Variants in KIRREL3 observed in about 807,000 individuals in gnomAD.
KIRREL3 encodes the protein kin of IRRE-like protein 3.
A neutral mutation model predicts 89.7 loss-of-function variants in KIRREL3; 36 were observed. The ratio of observed to expected loss-of-function variants is 0.40; its 90% confidence interval spans 0.31 to 0.53. The LOEUF is 0.53. Among genes scored for constraint, KIRREL3 ranks in the 20% least tolerant of loss-of-function variants. The probability of loss-of-function intolerance (pLI) is 0.49; values close to 1 mark genes in which losing one functional copy is unlikely to be tolerated. For missense variants in KIRREL3, 864 were observed against 1,056.6 expected (o/e 0.82, Z 2.53); for synonymous variants, 445 against 441.4 (o/e 1.01, Z -0.10).
chr11:126,678,371 C>T (rs543100006), intron 1 of KIRREL3, among the ~76,000 whole-genome samples: 23 of 151,782 alleles, frequency 1.5e-4, no homozygotes, highest in East Asian at 5.8e-4. Flanking sequence ...GAGGCCGAGG[C>T]GGGCAGATCA....
In KIRREL3 at chr11:126,545,863, C is replaced by T. The variant is rs80259532; in HGVS notation, c.133+16972G>A. Reference sequence around the variant, plus strand: ...GGTTGCAGGGCAGGGCCCCCACTGGCGCTGCAGAAGTACCTGAGGCAAGGG... The same window carrying T: ...GGTTGCAGGGCAGGGCCCCCACTGGTGCTGCAGAAGTACCTGAGGCAAGGG... On this transcript the variant is annotated intron_variant, in intron 2 of 16. Coordinates refer to ENST00000525144, the MANE Select transcript of KIRREL3 (RefSeq NM_032531.4). Among the ~76,000 whole-genome samples, 114 of 152,300 alleles carry T rather than the reference C, an allele frequency of 7.5e-4. 1 individual carries two copies. The East Asian group carries it at 0.018, about 23-fold the overall frequency.
rs1784351 is a variant in KIRREL3 at position 126,870,180 on chromosome 11, G to T, written c.55+130275C>A. On this transcript the variant is annotated intron_variant, in intron 1 of 16. Transcript: ENST00000525144. The surrounding 1 kb of genome is among the most constrained non-coding windows in gnomAD (Gnocchi z 4.4). Reference sequence around the variant, plus strand: ...GCACAGGGTCGTATGTCCTGGGGCAGGGCTCCCTGTTCACGGTCTAAAGCC... The same window carrying T: ...GCACAGGGTCGTATGTCCTGGGGCATGGCTCCCTGTTCACGGTCTAAAGCC... Among the ~76,000 whole-genome samples the T allele has an allele frequency of 0.83, 126,714 of 152,172 alleles. 52,889 individuals are homozygous for T. Among genetic ancestry groups the T allele is most frequent in the East Asian group, 1 (5,152 of 5,160 alleles).
intron 1 of KIRREL3, among the ~76,000 whole-genome samples, chr11:126,738,916 C>T (rs1382081190): frequency 3.9e-5 from 6 of 152,204 alleles, no homozygotes; most frequent in Non-Finnish European, 7.3e-5. Context: ...ACACAGGGTC[C>T]TAAACAAAGC....
chr11:126,448,518 G>A (rs777874528), intron 8 of KIRREL3, among the ~76,000 whole-genome samples: 12 of 152,268 alleles, frequency 7.9e-5, no homozygotes, highest in Non-Finnish European at 1.3e-4. Flanking sequence ...CCTGCAATTC[G>A]TAAATTGAAA....
chr11:126,995,076 A>G lies in KIRREL3; in HGVS notation c.55+5379T>C. The G allele has an allele frequency of 2.5e-6, 1 of 398,588 alleles. No homozygotes were observed. The highest frequency in any genetic ancestry group is 1.8e-5 in the South Asian group (1 of 54,190). 24.7% of individuals were successfully genotyped at this position (398,588 alleles called of 1,614,324 possible). On this transcript the variant is annotated intron_variant, in intron 1 of 16. Coordinates refer to ENST00000525144, the MANE Select transcript of KIRREL3 (RefSeq NM_032531.4). This position sits in a 1 kb window ranked among gnomAD's most constrained non-coding sequence, Gnocchi z 6.5. ...ATAAAAATCCCACTCTACTTGGAATACAGGATGAAGCGATTACAACCTGGG... is the reference window on the plus strand; with the variant it reads ...ATAAAAATCCCACTCTACTTGGAATGCAGGATGAAGCGATTACAACCTGGG...
intron 1 of KIRREL3, among the ~76,000 whole-genome samples, chr11:126,784,104 A>G (rs758012286): frequency 9.2e-5 from 14 of 152,248 alleles, no homozygotes; most frequent in Non-Finnish European, 1.8e-4. Flanking sequence ...AGAAGCCGTC[A>G]CAGCCACGTG....
chr11:126,850,154 G>A (rs1001633378), intron 1 of KIRREL3, among the ~76,000 whole-genome samples: 10 of 152,240 alleles, frequency 6.6e-5, no homozygotes, highest in African/African-American at 2.2e-4. Context: ...AGCAAACATC[G>A]CGGAGACAAC....
chr11:126,639,383 C>T lies in KIRREL3; in HGVS notation c.56-76471G>A, dbSNP rs1275038875. Among the ~76,000 whole-genome samples the T allele has an allele frequency of 6.6e-6, 1 of 152,238 alleles. No homozygotes were observed. The highest frequency in any genetic ancestry group is 2.4e-5 in the African/African-American group (1 of 41,544). ...CTGGGTAAGCAAAAGGAAAAACGTT[C>T]CTTTGCTTTACCAAACCTCATTTAA... is the stretch of plus-strand genomic sequence containing the variant. On this transcript the variant is annotated intron_variant, in intron 1 of 16. Transcript: ENST00000525144. This position sits in a 1 kb window ranked among gnomAD's most constrained non-coding sequence, Gnocchi z 4.3.
At chr11:126,467,942 G>A (rs1956777986) in intron 5 of KIRREL3, among the ~76,000 whole-genome samples, 1 of 152,178 alleles carries the variant, frequency 6.6e-6, no homozygotes, top group South Asian at 2.1e-4. Context: ...AGGGCCCTAT[G>A]CATGTGGGCA....
At chr11:126,649,727 T>C (rs1944835316) in intron 1 of KIRREL3, among the ~76,000 whole-genome samples, 1 of 152,152 alleles carries the variant, frequency 6.6e-6, no homozygotes, top group South Asian at 2.1e-4. Context: ...TGTCTGCGGC[T>C]CTTCCAGGTG....
In KIRREL3 at chr11:126,684,446, C is replaced by T. The variant is rs959377070; in HGVS notation, c.56-121534G>A. Among the ~76,000 whole-genome samples, 4 of 152,198 alleles carry T rather than the reference C, an allele frequency of 2.6e-5. No individual in the cohort carries two copies. The highest frequency in any genetic ancestry group is 9.6e-5 in the African/African-American group (4 of 41,456). On this transcript the variant is annotated intron_variant, in intron 1 of 16. Coordinates refer to ENST00000525144, the MANE Select transcript of KIRREL3 (RefSeq NM_032531.4). This position sits in a 1 kb window ranked among gnomAD's most constrained non-coding sequence, Gnocchi z 4.2. ...CTTCCCTGCCCCTCCAAAGTGGTTC[C>T]AAGGTGCCTCCACAAAGCCTCAGGG... is the stretch of plus-strand genomic sequence containing the variant.
At chr11:126,488,985 C>T (rs1046431394) in intron 4 of KIRREL3, among the ~76,000 whole-genome samples, 5 of 152,224 alleles carry the variant, frequency 3.3e-5, no homozygotes, top group African/African-American at 9.6e-5. Flanking sequence ...TCCGAGACTG[C>T]GCTTCCTTTC....
intron 1 of KIRREL3, among the ~76,000 whole-genome samples, chr11:126,716,404 G>A (rs2134158929): frequency 6.6e-6 from 1 of 152,258 alleles, no homozygotes; most frequent in African/African-American, 2.4e-5. Flanking sequence ...AGGGATGGGT[G>A]CTCTGAGTTT....
intron 1 of KIRREL3, among the ~76,000 whole-genome samples, chr11:126,654,800 T>A (rs542629834): frequency 1.4e-4 from 22 of 152,220 alleles, no homozygotes; most frequent in Admixed American, 4.6e-4. Flanking sequence ...TATTTTTTTT[T>A]ATTTTTTTAT....
In KIRREL3 at chr11:126,431,458, C is replaced by A; in HGVS notation, c.1657G>T (p.Ala553Ser). Reference protein sequence around the residue: ...GAGVAFLVLMATIVAFCCARS... With the variant: ...GAGVAFLVLMSTIVAFCCARS... ...GCACAGCAGAACGCCACGATGGTTG[C>A]CATAAGGACGAGGAAGGCCACACCA... is the stretch of plus-strand genomic sequence containing the variant. Residue 553 changes from alanine to serine, a missense_variant, in exon 14 of 17, where the codon GCA becomes TCA. Transcript: ENST00000525144. The surrounding 1 kb of genome is among the most constrained non-coding windows in gnomAD (Gnocchi z 7.1). 4 of 1,614,058 alleles carry A rather than the reference C, an allele frequency of 2.5e-6. No homozygotes were observed. Among genetic ancestry groups the A allele is most frequent in the Non-Finnish European group, 3.4e-6 (4 of 1,179,906 alleles).
chr11:126,616,785 G>T (rs1287744348), intron 1 of KIRREL3, among the ~76,000 whole-genome samples: 1 of 152,180 alleles, frequency 6.6e-6, no homozygotes, highest in Admixed American at 6.5e-5. Flanking sequence ...GAGACTACAG[G>T]TGCACACCAC....
At chr11:126,509,202 T>C (rs1958121023) in intron 4 of KIRREL3, among the ~76,000 whole-genome samples, 2 of 152,150 alleles carry the variant, frequency 1.3e-5, no homozygotes, top group Non-Finnish European at 2.9e-5. Flanking sequence ...TTCTCATCAT[T>C]TCATGGGATA....
chr11:126,681,628 C>CACACACACT (rs1946460752), intron 1 of KIRREL3, among the ~76,000 whole-genome samples: 1 of 92,310 alleles, frequency 1.1e-5, no homozygotes, highest in Non-Finnish European at 2.3e-5. Flanking sequence ...ACACACACAC[C>CACACACACT]AGATCAAGCA....
chr11:126,906,778 G>T lies in KIRREL3; in HGVS notation c.55+93677C>A, dbSNP rs1321659186. Reference sequence around the variant, plus strand: ...ACCTCCTCTGTAGCCCACAGTGCAAGGCTGCCTGTGGCTTCTTCCTGGGAC... The same window carrying T: ...ACCTCCTCTGTAGCCCACAGTGCAATGCTGCCTGTGGCTTCTTCCTGGGAC... On this transcript the variant is annotated intron_variant, in intron 1 of 16. Transcript: ENST00000525144. The surrounding 1 kb of genome is among the most constrained non-coding windows in gnomAD (Gnocchi z 4.1). 6.6e-6 allele frequency among the ~76,000 whole-genome samples: 1 copy of T among 152,222 alleles called. No individual in the cohort carries two copies. Among genetic ancestry groups the T allele is most frequent in the Non-Finnish European group, 1.5e-5 (1 of 68,026 alleles).
Sources: allele counts gnomAD v4.1 joint callset (sites outside exome capture counted in the v4.1 genomes callset), GRCh38; gene constraint gnomAD v4.1.1; non-coding constraint Gnocchi (gnomAD v3.1); transcripts MANE v1.5; gene names NCBI Gene and HGNC (gene_info 2026-07-23, HGNC 2026-07-21).